The following SYN2 variants were observed in gnomAD, a reference collection of about 807,000 sequenced individuals.
The protein encoded by SYN2 is synapsin II, also known as synapsin-2.
SYN2 carries 19 observed loss-of-function variants against 50.9 expected under a neutral mutation model. The observed-to-expected ratio is 0.37, with a 90% CI of 0.26 to 0.55. SYN2 has a LOEUF of 0.55. Among genes scored for constraint, SYN2 ranks in the 20% least tolerant of loss-of-function variants. The pLI, the probability that SYN2 is intolerant of heterozygous loss-of-function variation, is 0.81. For synonymous variants in SYN2, 255 were observed against 224.9 expected (o/e 1.13, Z -1.20); for missense variants, 587 against 576.4 (o/e 1.02, Z -0.19).
intron 1 of SYN2, among the ~76,000 whole-genome samples, chr3:12,064,743 A>G (rs941162420): frequency 6.6e-6 from 1 of 152,130 alleles, no homozygotes; most frequent in Non-Finnish European, 1.5e-5. Flanking sequence ...GTTGGTGAGG[A>G]TGTGGAGAAA....
In SYN2 at chr3:12,169,899, A is replaced by G; in HGVS notation, c.1301A>G (p.Gln434Arg). The change falls in exon 10 of 13, where the codon CAG (glutamine) becomes CGG (arginine). Residue 434 changes from glutamine to arginine, a missense_variant. Physicochemically the swap from Gln to Arg is conservative, Grantham distance 43. Transcript: ENST00000621198. ...LSPQRPLTTQ[Q>R]PQSGTLKDPD... ...CCTCAGAGACCCCTAACAACCCAGCAGCCACAGGTAAGCAGCTAGGAAGAG... is the reference window on the plus strand; with the variant it reads ...CCTCAGAGACCCCTAACAACCCAGCGGCCACAGGTAAGCAGCTAGGAAGAG... 1 of 1,608,342 alleles carries G rather than the reference A, an allele frequency of 6.2e-7. No homozygotes were observed. Among genetic ancestry groups the G allele is most frequent in the South Asian group, 1.1e-5 (1 of 90,082 alleles).
chr3:12,084,134 A>G (rs1695640201), intron 1 of SYN2, among the ~76,000 whole-genome samples: 1 of 152,150 alleles, frequency 6.6e-6, no homozygotes, highest in Admixed American at 6.5e-5. Context: ...ATCACTTTGA[A>G]TGTATTTTTT....
chr3:12,151,847 C>A (rs1410101529), intron 5 of SYN2, among the ~76,000 whole-genome samples: 1 of 152,206 alleles, frequency 6.6e-6, no homozygotes, highest in Non-Finnish European at 1.5e-5. Flanking sequence ...TCCCCTGGCG[C>A]TTCCACAACT....
chr3:12,165,086 A>G (rs189141336), intron 7 of SYN2, among the ~76,000 whole-genome samples: 3 of 150,440 alleles, frequency 2.0e-5, no homozygotes, highest in Non-Finnish European at 4.4e-5. Context: ...TCCCTGGTTC[A>G]AGCAATTCCC....
chr3:12,153,156 T>C (rs1037945198), intron 5 of SYN2: 5 of 351,396 alleles, frequency 1.4e-5, no homozygotes, highest in Non-Finnish European at 2.8e-5. Context: ...TACCATCTCA[T>C]GTGTATGACA....
rs987927562 is a variant in SYN2, at chr3:12,191,743, C to T, written c.*1118C>T. Among the ~76,000 whole-genome samples the T allele has an allele frequency of 6.6e-6, 1 of 152,142 alleles. No homozygotes were observed. The highest frequency in any genetic ancestry group is 2.1e-4 in the South Asian group (1 of 4,828). ...CAAATAAGCACAGAACCCTTGCTCC[C>T]GGAGGAGTCAATTTAGACTCACTTG... On this transcript the variant is annotated 3_prime_UTR_variant, in exon 13 of 13. Coordinates refer to ENST00000621198, the MANE Select transcript of SYN2 (RefSeq NM_133625.6).
At chr3:12,153,386 A>G (rs1477245745) in intron 5 of SYN2, 3 of 1,091,530 alleles carry the variant, frequency 2.7e-6, no homozygotes, top group Non-Finnish European at 4.1e-6. Flanking sequence ...CAGTGGCCAG[A>G]CTGTCCACTT....
chr3:12,084,015 T>C (rs1003539682), intron 1 of SYN2, among the ~76,000 whole-genome samples: 10 of 152,172 alleles, frequency 6.6e-5, no homozygotes, highest in Non-Finnish European at 1.5e-4. Context: ...CCCATTCTTA[T>C]AATTTAGAAA....
intron 1 of SYN2, among the ~76,000 whole-genome samples, chr3:12,089,510 C>T (rs771270740): frequency 5.9e-5 from 9 of 152,124 alleles, no homozygotes; most frequent in Non-Finnish European, 1.3e-4. Flanking sequence ...CATTATTTCT[C>T]AAACATTTAA....
chr3:12,183,161 C>T, intron 10 of SYN2, 151 bp from the exon 11 acceptor site: 1 of 1,134,552 alleles, frequency 8.8e-7, no homozygotes, highest in South Asian at 1.7e-5. Context: ...TAAAGTGTTT[C>T]TGGAGCAGCA....
chr3:12,184,071 T>C (rs1698286550), intron 11 of SYN2: 1 of 986,172 alleles, frequency 1.0e-6, no homozygotes, highest in Non-Finnish European at 1.2e-6. Context: ...TGAGTTTATG[T>C]GAATAGGCTG....
chr3:12,063,968 G>C (rs1380679437), intron 1 of SYN2, among the ~76,000 whole-genome samples: 1 of 149,390 alleles, frequency 6.7e-6, no homozygotes, highest in Non-Finnish European at 1.5e-5. Context: ...CTTTCAAAGA[G>C]TACAGTAGGG....
chr3:12,043,021 T>C (rs78248811), intron 1 of SYN2, among the ~76,000 whole-genome samples: 5,072 of 149,374 alleles, frequency 0.034, 267 homozygotes, highest in African/African-American at 0.12. Context: ...CCTTCTCTTT[T>C]CTCTTTTTTT....
Position 12,108,932 on chromosome 3 carries a change from A to G in SYN2, c.378-31719A>G, listed in dbSNP as rs570531566. The stretch of plus-strand genomic sequence containing the variant: ...TGAAAAACTCAAATATCCATTCTGA[A>G]TGTCCAATTTTTTAAAAATGTGGTC... On this transcript the variant is annotated intron_variant, in intron 1 of 12. Coordinates refer to ENST00000621198, the MANE Select transcript of SYN2 (RefSeq NM_133625.6). Among the ~76,000 whole-genome samples the G allele has an allele frequency of 5.0e-4, 76 of 152,184 alleles. 1 individual carries two copies. The highest frequency in any genetic ancestry group is 1.6e-3 in the African/African-American group (68 of 41,504).
chr3:12,094,365 C>A (rs1286995320), intron 1 of SYN2, among the ~76,000 whole-genome samples: 5 of 152,014 alleles, frequency 3.3e-5, no homozygotes, highest in African/African-American at 1.2e-4. Context: ...TGAATTCATA[C>A]CCTTTACTAG....
intron 1 of SYN2, among the ~76,000 whole-genome samples, chr3:12,082,009 C>T (rs1405220512): frequency 6.6e-6 from 1 of 152,092 alleles, no homozygotes; most frequent in Non-Finnish European, 1.5e-5. Context: ...TTGGGGATCC[C>T]CAGAACCACC....
At chr3:12,096,109 A>G (rs1695927428) in intron 1 of SYN2, among the ~76,000 whole-genome samples, 1 of 152,142 alleles carries the variant, frequency 6.6e-6, no homozygotes, top group African/African-American at 2.4e-5. Context: ...ACTTGACACT[A>G]TGTCAAATCT....
chr3:12,049,731 C>G (rs1694814599), intron 1 of SYN2, among the ~76,000 whole-genome samples: 1 of 152,072 alleles, frequency 6.6e-6, no homozygotes, highest in African/African-American at 2.4e-5. Context: ...ACATTCTTCT[C>G]TTTTATTCAT....
At chr3:12,160,568 T>TC (rs2125235302) in intron 5 of SYN2, among the ~76,000 whole-genome samples, 1 of 152,232 alleles carries the variant, frequency 6.6e-6, no homozygotes, top group East Asian at 1.9e-4. Flanking sequence ...CGGGTTAGCA[T>TC]CCAGGCTGGT....
Sources: gnomAD v4.1 joint callset for allele counts (sites outside exome capture counted in the v4.1 genomes callset) on GRCh38, gnomAD v4.1.1 for gene constraint, MANE v1.5 for transcripts, NCBI Gene and HGNC (gene_info 2026-07-23, HGNC 2026-07-21) for gene names.